The following ARID2 variants were observed in gnomAD, a reference collection of about 807,000 sequenced individuals.
ARID2 encodes the protein AT-rich interactive domain-containing protein 2.
ARID2 carries 32 observed loss-of-function variants against 184.6 expected under a neutral mutation model. The observed-to-expected ratio is 0.17, with a 90% CI of 0.13 to 0.23. The LOEUF (loss-of-function observed/expected upper bound fraction) is 0.23. Ranked by LOEUF, ARID2 falls within the 10% of genes least tolerant of loss-of-function variation. The pLI, the probability that ARID2 is intolerant of heterozygous loss-of-function variation, is 1.00. For missense variants in ARID2, 1,696 were observed against 2,197.6 expected (o/e 0.77, Z 4.56); for synonymous variants, 836 against 772.6 (o/e 1.08, Z -1.36).
chr12:45,778,355 G>A (rs1442444369), intron 3 of ARID2, among the ~76,000 whole-genome samples: 1 of 152,048 alleles, frequency 6.6e-6, no homozygotes, highest in African/African-American at 2.4e-5. Flanking sequence ...CAACTTCAGG[G>A]TATCTAACCT....
intron 20 of ARID2, among the ~76,000 whole-genome samples, chr12:45,897,564 AAC>A (rs1944385825): frequency 6.6e-6 from 1 of 152,222 alleles, no homozygotes; most frequent in Non-Finnish European, 1.5e-5. Context: ...TCCTTAAAAA[AAC>A]AAACAGAATT....
rs1309627296 is a variant in ARID2, at chr12:45,837,305, T to G, written c.1024-16T>G. 16 of 1,573,616 alleles carry G rather than the reference T, an allele frequency of 1.0e-5. No homozygotes were observed. The highest frequency in any genetic ancestry group is 8.6e-7 in the Non-Finnish European group (1 of 1,156,278). On this transcript the variant is annotated splice_polypyrimidine_tract_variant and intron_variant, in intron 8 of 20. Coordinates refer to ENST00000334344, the MANE Select transcript of ARID2 (RefSeq NM_152641.4). Reference sequence around the variant, plus strand: ...GAAGAAGCATAGCTCAATAATAGTGTTGTTTCTTTTTCCAGCTTTTACTGG... The same window carrying G: ...GAAGAAGCATAGCTCAATAATAGTGGTGTTTCTTTTTCCAGCTTTTACTGG...
At chr12:45,884,937 CA>C (rs1158257023) in intron 16 of ARID2, among the ~76,000 whole-genome samples, 27 of 152,244 alleles carry the variant, frequency 1.8e-4, no homozygotes, top group African/African-American at 6.3e-4. Flanking sequence ...CTGGAGAATT[CA>C]TTCTTGTAGG....
chr12:45,731,505 G>T (rs535587795), intron 3 of ARID2, among the ~76,000 whole-genome samples, 191 bp downstream of exon 3: 1 of 152,242 alleles, frequency 6.6e-6, no homozygotes, highest in East Asian at 1.9e-4. Context: ...CCAATTTCAG[G>T]ATCGTTTACA....
At chr12:45,805,814 T>C (rs903739568) in intron 3 of ARID2, among the ~76,000 whole-genome samples, 1 of 152,112 alleles carries the variant, frequency 6.6e-6, no homozygotes, top group Non-Finnish European at 1.5e-5. Context: ...TATAATTCAG[T>C]ATTGTTACCT....
intron 6 of ARID2, among the ~76,000 whole-genome samples, chr12:45,829,748 A>G (rs983213385): frequency 2.2e-5 from 3 of 138,052 alleles, no homozygotes; most frequent in Non-Finnish European, 3.2e-5. Flanking sequence ...TTTTTCTTGT[A>G]TTATTGTCAT....
chr12:45,799,807 A>G (rs1565600735), intron 3 of ARID2, among the ~76,000 whole-genome samples: 2 of 152,216 alleles, frequency 1.3e-5, no homozygotes, highest in Admixed American at 1.3e-4. Context: ...TACATAAATT[A>G]CCCCATCATG....
intron 3 of ARID2, among the ~76,000 whole-genome samples, chr12:45,745,809 A>G (rs1242435305): frequency 6.6e-6 from 1 of 152,154 alleles, no homozygotes; most frequent in Non-Finnish European, 1.5e-5. Flanking sequence ...TTGGCCTCCC[A>G]AAGTGCTGGG....
intron 4 of ARID2, among the ~76,000 whole-genome samples, chr12:45,817,141 A>T (rs1477901734): frequency 6.6e-6 from 1 of 152,138 alleles, no homozygotes; most frequent in African/African-American, 2.4e-5. Context: ...GAATTGCATA[A>T]ACTCGGTAGA....
intron 20 of ARID2, among the ~76,000 whole-genome samples, chr12:45,899,860 G>A (rs1467649600): frequency 6.7e-6 from 1 of 150,354 alleles, no homozygotes; most frequent in Non-Finnish European, 1.5e-5. Context: ...ATATGTCTAT[G>A]TTACTATTTC....
chr12:45,881,585 T>C (rs1395645018), intron 16 of ARID2: 1 of 155,434 alleles, frequency 6.4e-6, no homozygotes, highest in Non-Finnish European at 1.4e-5. Flanking sequence ...TAAGGCTACA[T>C]ACACTTCATG....
rs2138150026 is a variant in ARID2, at chr12:45,846,828, G to C, written c.1499-28G>C. On this transcript the variant is annotated intron_variant, in intron 11 of 20. Coordinates refer to ENST00000334344, the MANE Select transcript of ARID2 (RefSeq NM_152641.4). Reference sequence around the variant, plus strand: ...AAATAGTGACTAACTTTTAAGAAATGATGTAGCTAATGTATTTTTTTCTTT... The same window carrying C: ...AAATAGTGACTAACTTTTAAGAAATCATGTAGCTAATGTATTTTTTTCTTT... The C allele has an allele frequency of 1.9e-6, 3 of 1,607,124 alleles. No individual in the cohort carries two copies. The East Asian group carries it at 6.7e-5, about 36-fold the overall frequency.
intron 11 of ARID2, chr12:45,840,151 C>T (rs1943316145): frequency 6.6e-6 from 1 of 152,140 alleles, no homozygotes; most frequent in Non-Finnish European, 1.5e-5. Flanking sequence ...CCACCCTTAA[C>T]CTTTTTTTGG....
chr12:45,867,020 G>C (rs949654092), intron 16 of ARID2, among the ~76,000 whole-genome samples: 1 of 151,836 alleles, frequency 6.6e-6, no homozygotes, highest in Non-Finnish European at 1.5e-5. Flanking sequence ...GGGTGATCTC[G>C]GCTCACTGCA....
rs2138127024 is a variant in ARID2, at chr12:45,836,806, G to A, written c.838G>A (p.Asp280Asn). 4 of 1,614,110 alleles carry A rather than the reference G, an allele frequency of 2.5e-6. No homozygotes were observed. The highest frequency in any genetic ancestry group is 2.2e-5 in the East Asian group (1 of 44,864). ...FHPPRKLGIN[D>N]IEGQRVLQIA... ...TCCACCTCGAAAGCTGGGCATTAAC[G>A]ATATTGAAGGACAGCGGGTACTTCA... The change falls in exon 8 of 21, where the codon GAT (aspartate) becomes AAT (asparagine). Residue 280 changes from aspartate to asparagine, a missense_variant. By Grantham distance (23) the Asp-to-Asn change is conservative. Around this residue, in one of 11 missense-constraint regions of ARID2, gnomAD observed 148 missense variants for 285.4 expected, o/e 0.52. Transcript: ENST00000334344.
At chr12:45,773,322 G>A (rs549510922) in intron 3 of ARID2, among the ~76,000 whole-genome samples, 16 of 151,952 alleles carry the variant, frequency 1.1e-4, no homozygotes, top group African/African-American at 2.7e-4. Context: ...TGATACAGCC[G>A]TCTACCTTAA....
intron 20 of ARID2, among the ~76,000 whole-genome samples, chr12:45,902,295 A>G (rs17096308): frequency 0.039 from 5,905 of 152,258 alleles, 554 homozygotes; most frequent in East Asian, 0.32. Context: ...TTAAACATTT[A>G]TATCAAAAAG....
At chr12:45,876,891 C>T (rs111850525) in intron 16 of ARID2, among the ~76,000 whole-genome samples, 1 of 151,348 alleles carries the variant, frequency 6.6e-6, no homozygotes, top group Non-Finnish European at 1.5e-5. Context: ...AGACCGAGAC[C>T]ATCCTGGCTA....
Position 45,837,420 on chromosome 12 carries a change from G to A in ARID2, c.1120+3G>A, listed in dbSNP as rs1408386486. ...GGATAGATTTTTAAAGATGAGAGGTGAGTTTTCACTGAAGTATTTACTTTC... is the reference window on the plus strand; with the variant it reads ...GGATAGATTTTTAAAGATGAGAGGTAAGTTTTCACTGAAGTATTTACTTTC... On this transcript the variant is annotated splice_donor_region_variant and intron_variant, in intron 9 of 20. Transcript: ENST00000334344. The A allele has an allele frequency of 6.2e-7, 1 of 1,610,500 alleles. No homozygotes were observed. The highest frequency in any genetic ancestry group is 1.3e-5 in the African/African-American group (1 of 74,740).
Sources: gnomAD v4.1 joint callset for allele counts (sites outside exome capture counted in the v4.1 genomes callset) on GRCh38, gnomAD v4.1.1 for gene constraint, gnomAD v4.1.1 regional missense constraint, MANE v1.5 for transcripts, NCBI Gene and HGNC (gene_info 2026-07-23, HGNC 2026-07-21) for gene names.